Variants in GRID1 observed in about 807,000 individuals in gnomAD.
GRID1 encodes glutamate ionotropic receptor delta type subunit 1.
In GRID1, 28 loss-of-function variants were observed where a neutral mutation model predicts 98.0. The ratio of observed to expected loss-of-function variants is 0.29; its 90% confidence interval spans 0.21 to 0.39. The LOEUF (loss-of-function observed/expected upper bound fraction) is 0.39. Among genes scored for constraint, GRID1 ranks in the 10% least tolerant of loss-of-function variants. GRID1 has a pLI of 1.00. For missense variants in GRID1, 1,111 were observed against 1,340.5 expected, an observed-to-expected ratio of 0.83 and a Z score of 2.67; for synonymous variants, 553 against 538.5, an observed-to-expected ratio of 1.03 and a Z score of -0.37.
chr10:85,647,449 T>C, intron 12 of GRID1, 52 bp from the exon 13 acceptor site: 1 of 1,403,780 alleles, frequency 7.1e-7, no homozygotes, highest in Non-Finnish European at 1.0e-6. Flanking sequence ...CATTGCACAC[T>C]GCAAGGATAC....
At chr10:85,832,894 T>C (rs943645426) in intron 8 of GRID1, among the ~76,000 whole-genome samples, 2 of 151,792 alleles carry the variant, frequency 1.3e-5, no homozygotes, top group African/African-American at 4.8e-5. Context: ...CTAGAAGCAC[T>C]ACCCTTCCAC....
At chr10:86,236,852 G>A (rs1846548142) in intron 2 of GRID1, among the ~76,000 whole-genome samples, 1 of 152,200 alleles carries the variant, frequency 6.6e-6, no homozygotes, top group Admixed American at 6.5e-5. Context: ...CAGCGAGTGT[G>A]GCCAGGCCTG....
intron 13 of GRID1, among the ~76,000 whole-genome samples, chr10:85,639,759 G>A (rs186294875): frequency 0.029 from 4,371 of 152,244 alleles, 88 homozygotes; most frequent in Middle Eastern, 0.061. Flanking sequence ...TGTAATCCCC[G>A]CTACTTGGGA....
At chr10:86,288,720 G>A (rs1847469520) in intron 2 of GRID1, among the ~76,000 whole-genome samples, 1 of 152,154 alleles carries the variant, frequency 6.6e-6, no homozygotes. Context: ...CACTCAAATT[G>A]CCAGATAATG....
chr10:85,671,509 T>C (rs1441539669), intron 12 of GRID1, among the ~76,000 whole-genome samples: 1 of 152,196 alleles, frequency 6.6e-6, no homozygotes, highest in Non-Finnish European at 1.5e-5. Context: ...AAATGTTGTG[T>C]ATGTTCTGAC....
chr10:85,781,805 G>GAA (rs59791810), intron 8 of GRID1, among the ~76,000 whole-genome samples: 2 of 137,504 alleles, frequency 1.5e-5, no homozygotes, highest in Admixed American at 7.4e-5. Context: ...TTGTACATTT[G>GAA]AAAAAAAAAA....
In GRID1 at chr10:86,206,783, C is replaced by T. The variant is rs1180236597; in HGVS notation, c.236-135G>A. 1 of 730,944 alleles carries T rather than the reference C, an allele frequency of 1.4e-6. No individual in the cohort carries two copies. The highest frequency in any genetic ancestry group is 2.2e-6 in the Non-Finnish European group (1 of 452,686). 45.3% of individuals were successfully genotyped at this position (730,944 alleles called of 1,614,324 possible). The stretch of plus-strand genomic sequence containing the variant: ...GGCTGCCTCCCTCCAGGACCAAGAA[C>T]CATCCTGGGCAGGCCAGTGGCTCTC... On this transcript the variant is annotated intron_variant, in intron 2 of 15. Coordinates refer to ENST00000327946, the MANE Select transcript of GRID1 (RefSeq NM_017551.3). The surrounding 1 kb of genome is among the most constrained non-coding windows in gnomAD (Gnocchi z 4.1).
At chr10:86,344,452 G>GC (rs909581628) in intron 2 of GRID1, among the ~76,000 whole-genome samples, 1 of 152,140 alleles carries the variant, frequency 6.6e-6, no homozygotes, top group Admixed American at 6.5e-5. Flanking sequence ...CTTCCCCCCA[G>GC]CCAAGACTGG....
At chr10:86,173,789 T>C (rs576081005) in intron 3 of GRID1, among the ~76,000 whole-genome samples, 53 of 144,218 alleles carry the variant, frequency 3.7e-4, no homozygotes, top group Admixed American at 1.5e-3. Context: ...TGTGTTCTCA[T>C]TGTTCAATTC....
At chr10:85,771,973 T>G (rs12255369) in intron 8 of GRID1, among the ~76,000 whole-genome samples, 3,461 of 152,228 alleles carry the variant, frequency 0.023, 124 homozygotes, top group African/African-American at 0.079. Flanking sequence ...CAAGTGGACC[T>G]AATAGACATC....
At chr10:85,649,655 G>C (rs1843240277) in intron 12 of GRID1, among the ~76,000 whole-genome samples, 1 of 152,076 alleles carries the variant, frequency 6.6e-6, no homozygotes. Flanking sequence ...TAACTGCCAG[G>C]GATCTCCAAA....
intron 2 of GRID1, among the ~76,000 whole-genome samples, chr10:86,213,148 T>G (rs1009731922): frequency 1.3e-5 from 2 of 152,164 alleles, no homozygotes. Flanking sequence ...CTCCAGTCAC[T>G]CCATTACAGA....
intron 4 of GRID1, among the ~76,000 whole-genome samples, chr10:86,011,855 A>T (rs1333881751): frequency 6.6e-6 from 1 of 152,222 alleles, no homozygotes; most frequent in East Asian, 1.9e-4. Flanking sequence ...GACCAAAAAA[A>T]TATTAAAGTT....
intron 4 of GRID1, among the ~76,000 whole-genome samples, chr10:85,961,093 G>A (rs575705418): frequency 3.3e-5 from 5 of 152,228 alleles, no homozygotes; most frequent in African/African-American, 1.2e-4. Flanking sequence ...TTGAATGGCA[G>A]TACATCCTAA....
chr10:86,135,755 C>A (rs975721907), intron 4 of GRID1, among the ~76,000 whole-genome samples: 1 of 151,628 alleles, frequency 6.6e-6, no homozygotes, highest in Non-Finnish European at 1.5e-5. Flanking sequence ...AGCGGAATCA[C>A]AGAGAGGCTG....
At chr10:85,696,352 C>T (rs1023406453) in intron 12 of GRID1, among the ~76,000 whole-genome samples, 3 of 150,732 alleles carry the variant, frequency 2.0e-5, no homozygotes, top group African/African-American at 7.3e-5. Flanking sequence ...TCTAGGAAGG[C>T]CATTCTGAGG....
At chr10:86,355,419 G>A (rs1022842968) in intron 2 of GRID1, among the ~76,000 whole-genome samples, 8 of 152,238 alleles carry the variant, frequency 5.3e-5, no homozygotes, top group African/African-American at 1.7e-4. Flanking sequence ...ATGAGTGTGA[G>A]GGAAAACTGG....
intron 4 of GRID1, among the ~76,000 whole-genome samples, chr10:86,038,528 C>G (rs1464395034): frequency 6.6e-6 from 1 of 152,188 alleles, no homozygotes; most frequent in Non-Finnish European, 1.5e-5. Flanking sequence ...TCATGAGCCT[C>G]AAAGCCCATT....
chr10:85,611,549 C>A (rs1364188378), intron 15 of GRID1, among the ~76,000 whole-genome samples: 1 of 152,200 alleles, frequency 6.6e-6, no homozygotes, highest in Non-Finnish European at 1.5e-5. Flanking sequence ...TTAGGGAAAA[C>A]AAGCAAAATC....
Sources: gnomAD v4.1 joint callset for allele counts (sites outside exome capture counted in the v4.1 genomes callset) on GRCh38, gnomAD v4.1.1 for gene constraint, Gnocchi (gnomAD v3.1) non-coding constraint, MANE v1.5 for transcripts, NCBI Gene and HGNC (gene_info 2026-07-23, HGNC 2026-07-21) for gene names.